LRPPRC: variants seen among roughly 807,000 people sequenced by gnomAD.
The protein encoded by LRPPRC is leucine-rich PPR motif-containing protein, mitochondrial.
In LRPPRC, 120 loss-of-function variants were observed where a neutral mutation model predicts 180.3. The ratio of observed to expected loss-of-function variants is 0.67; its 90% CI spans 0.57 to 0.77. The LOEUF is 0.77. Ranked by LOEUF, LRPPRC falls within the 30% of genes least tolerant of loss-of-function variation. The pLI, the probability that LRPPRC is intolerant of heterozygous loss-of-function variation, is 0.00. For synonymous variants in LRPPRC, 723 were observed against 600.0 expected (o/e 1.21, Z -3.00); for missense variants, 2,012 against 1,657.2 (o/e 1.21, Z -3.72).
intron 3 of LRPPRC, among the ~76,000 whole-genome samples, chr2:43,978,812 C>A (rs4129191): frequency 1.3e-5 from 2 of 151,736 alleles, no homozygotes; most frequent in Non-Finnish European, 2.9e-5. Context: ...TTTTATTTAT[C>A]TGTAGCTATA....
At chr2:43,996,056 TG>T (rs1675057448), upstream of LRPPRC, 1 of 1,116,352 alleles carries the variant, frequency 9.0e-7, no homozygotes, top group Non-Finnish European at 1.3e-6. Context: ...GCGTGCCAAA[TG>T]TGGGGGGAGC....
At chr2:43,939,848 C>T (rs1037748767) in intron 23 of LRPPRC, among the ~76,000 whole-genome samples, 3 of 152,200 alleles carry the variant, frequency 2.0e-5, no homozygotes, top group African/African-American at 7.2e-5. Flanking sequence ...ATGTCAAGTG[C>T]TTTCCAGCCA....
At chr2:43,899,867 A>G (rs753341441) in intron 32 of LRPPRC, among the ~76,000 whole-genome samples, 1 of 152,244 alleles carries the variant, frequency 6.6e-6, no homozygotes, top group Non-Finnish European at 1.5e-5. Flanking sequence ...TGTTTTAACA[A>G]TGCTCTACAG....
At chr2:43,914,178 T>G (rs548377839) in intron 29 of LRPPRC, among the ~76,000 whole-genome samples, 1 of 152,336 alleles carries the variant, frequency 6.6e-6, no homozygotes, top group African/African-American at 2.4e-5. Context: ...GAAACTCTTG[T>G]TGTTTTCTAA....
At chr2:43,923,854 G>C (rs1314441130) in intron 27 of LRPPRC, among the ~76,000 whole-genome samples, 7 of 152,162 alleles carry the variant, frequency 4.6e-5, no homozygotes, top group Non-Finnish European at 1.0e-4. Flanking sequence ...GGAAGAAAAA[G>C]TAGGTAGAGT....
chr2:43,909,880 A>T (rs914511323), intron 30 of LRPPRC, among the ~76,000 whole-genome samples: 1 of 152,198 alleles, frequency 6.6e-6, no homozygotes, highest in Non-Finnish European at 1.5e-5. Context: ...ATAGACGGTC[A>T]TGCTTACAAC....
chr2:43,930,485 C>T (rs1385972225), intron 25 of LRPPRC, among the ~76,000 whole-genome samples: 1 of 152,156 alleles, frequency 6.6e-6, no homozygotes, highest in Non-Finnish European at 1.5e-5. Flanking sequence ...GTATTATTTA[C>T]TGGTTGAACA....
intron 35 of LRPPRC, among the ~76,000 whole-genome samples, chr2:43,895,893 G>A (rs1670661771): frequency 6.6e-6 from 1 of 152,048 alleles, no homozygotes; most frequent in African/African-American, 2.4e-5. Flanking sequence ...AGTAGAATGT[G>A]ATATACCTAC....
At chr2:43,982,128 G>T in intron 2 of LRPPRC, 110 bp downstream of exon 2, 1 of 701,786 alleles carries the variant, frequency 1.4e-6, no homozygotes, top group South Asian at 2.3e-5. Flanking sequence ...GGCTGGTCTC[G>T]AACACTTGGC....
At chr2:43,927,306 C>T (rs1170517770) in intron 25 of LRPPRC, among the ~76,000 whole-genome samples, 2 of 152,154 alleles carry the variant, frequency 1.3e-5, no homozygotes, top group Non-Finnish European at 2.9e-5. Context: ...TAACATTGTA[C>T]AACGTTAAAT....
intron 25 of LRPPRC, 68 bp downstream of exon 25, chr2:43,934,122 T>G: frequency 1.1e-6 from 1 of 903,222 alleles, no homozygotes; most frequent in Admixed American, 1.9e-5. Context: ...AAGGTTAAAA[T>G]TTTTAAATGT....
At chr2:43,932,265 A>G (rs749522536) in intron 25 of LRPPRC, among the ~76,000 whole-genome samples, 1 of 151,862 alleles carries the variant, frequency 6.6e-6, no homozygotes, top group Non-Finnish European at 1.5e-5. Context: ...AACCTTGCCT[A>G]TATCTTTCTT....
intron 12 of LRPPRC, among the ~76,000 whole-genome samples, chr2:43,962,801 T>C (rs1478191256): frequency 1.3e-5 from 2 of 152,032 alleles, no homozygotes; most frequent in Admixed American, 1.3e-4. Context: ...AAGTGAAAAA[T>C]AATATTCAAA....
intron 23 of LRPPRC, 102 bp downstream of exon 23, chr2:43,943,585 A>T (rs1289371765): frequency 1.0e-6 from 1 of 970,586 alleles, no homozygotes; most frequent in Non-Finnish European, 1.7e-6. Context: ...AATGACCTCC[A>T]AGGCTTCCCC....
At chr2:43,953,339 T>C (rs1423970636) in intron 14 of LRPPRC, among the ~76,000 whole-genome samples, 2 of 152,236 alleles carry the variant, frequency 1.3e-5, no homozygotes, top group African/African-American at 4.8e-5. Context: ...GATTTTTCTT[T>C]ATCTACAATA....
At position 43,957,465 on chromosome 2, in the gene LRPPRC, T is replaced by C. The variant is rs372371276; in HGVS notation, c.1583-14A>G. 2.2e-4 allele frequency: 360 copies of C among 1,601,280 alleles called. 2 individuals are homozygous for C. The highest frequency in any genetic ancestry group is 2.8e-4 in the Non-Finnish European group (332 of 1,168,480). The stretch of plus-strand genomic sequence containing the variant: ...TATTTGATTTCACTGCAAAAGAAAA[T>C]GACCATCATTAAATCTCAGACCAAA... On this transcript the variant is annotated splice_polypyrimidine_tract_variant and intron_variant, in intron 13 of 37. Transcript: ENST00000260665.
chr2:43,965,454 T>G (rs1279908213), intron 11 of LRPPRC, among the ~76,000 whole-genome samples: 1 of 152,138 alleles, frequency 6.6e-6, no homozygotes. Flanking sequence ...AACACTGGCC[T>G]TGACAACGAC....
At chr2:43,982,077 T>C (rs1190375956) in intron 2 of LRPPRC, among the ~76,000 whole-genome samples, 161 bp downstream of exon 2, 1 of 152,054 alleles carries the variant, frequency 6.6e-6, no homozygotes, top group Non-Finnish European at 1.5e-5. Flanking sequence ...CTGGCTAATT[T>C]TTGTATTTTT....
At chr2:43,916,993 T>TC (rs1410761224) in intron 29 of LRPPRC, among the ~76,000 whole-genome samples, 3 of 148,056 alleles carry the variant, frequency 2.0e-5, no homozygotes, top group South Asian at 4.3e-4. Flanking sequence ...AACCTCACCT[T>TC]CCATATACCC....
Sources: gnomAD v4.1 joint callset for allele counts (sites outside exome capture counted in the v4.1 genomes callset) on GRCh38, gnomAD v4.1.1 for gene constraint, MANE v1.5 for transcripts, NCBI Gene and HGNC (gene_info 2026-07-23, HGNC 2026-07-21) for gene names.